The following COL19A1 variants were observed in gnomAD, a reference collection of about 807,000 sequenced individuals.
COL19A1 encodes the protein collagen type XIX alpha 1 chain.
COL19A1 carries 159 observed loss-of-function variants against 190.2 expected under a neutral mutation model. That is an observed-to-expected ratio of 0.84 (90% CI 0.73 to 0.95). COL19A1 has a LOEUF of 0.95. Among genes scored for constraint, COL19A1 ranks in the 40% least tolerant of loss-of-function variants. The probability of loss-of-function intolerance (pLI) is 0.00; values close to 1 mark genes in which losing one functional copy is unlikely to be tolerated. For missense variants in COL19A1, 1,418 were observed against 1,431.9 expected, an observed-to-expected ratio of 0.99 and a Z score of 0.16; for synonymous variants, 509 against 458.9, an observed-to-expected ratio of 1.11 and a Z score of -1.39.
At chr6:70,177,999 A>G (rs1191902835) in intron 42 of COL19A1, among the ~76,000 whole-genome samples, 3 of 152,242 alleles carry the variant, frequency 2.0e-5, no homozygotes, top group African/African-American at 7.2e-5. Context: ...TCAAAGAGGA[A>G]GCATTATTGA....
chr6:70,091,767 A>AGG (rs55778434), intron 15 of COL19A1, among the ~76,000 whole-genome samples: 28,423 of 151,878 alleles, frequency 0.19, 3,767 homozygotes, highest in African/African-American at 0.35. Flanking sequence ...ACTGACCAAC[A>AGG]ATTGCTGCCG....
At position 70,211,349 on chromosome 6, in the gene COL19A1, T is replaced by C. The variant is rs1467449495; in HGVS notation, c.*4075T>C. On this transcript the variant is annotated 3_prime_UTR_variant, in exon 51 of 51. Transcript: ENST00000620364. ...AAAAAAGCTTTGCAGATTTGTCCAT[T>C]GCTCTTGTTCTTAAATTATTTTTCA... Among the ~76,000 whole-genome samples, 1 of 152,020 alleles carries C rather than the reference T, an allele frequency of 6.6e-6. No homozygotes were observed. Among genetic ancestry groups the C allele is most frequent in the Non-Finnish European group, 1.5e-5 (1 of 67,958 alleles).
chr6:70,139,726 C>T (rs1786117623), intron 19 of COL19A1, among the ~76,000 whole-genome samples: 1 of 152,004 alleles, frequency 6.6e-6, no homozygotes, highest in Admixed American at 6.6e-5. Flanking sequence ...TTTTCCCCCA[C>T]CATAGGACAT....
At chr6:69,926,524 G>A (rs997131347) in intron 4 of COL19A1, among the ~76,000 whole-genome samples, 1 of 152,032 alleles carries the variant, frequency 6.6e-6, no homozygotes, top group Non-Finnish European at 1.5e-5. Flanking sequence ...TACAGGAGGG[G>A]TTCAAGAACT....
chr6:69,929,564 G>T lies in COL19A1; in HGVS notation c.530G>T (p.Ser177Ile), dbSNP rs1408537530. 8 of 1,613,872 alleles carry T rather than the reference G, an allele frequency of 5.0e-6. No homozygotes were observed. Among genetic ancestry groups the T allele is most frequent in the African/African-American group, 1.3e-5 (1 of 74,870 alleles). The change falls in exon 6 of 51, where the codon AGT becomes ATT. Residue 177 changes from serine (S) to isoleucine (I), a missense_variant. By Grantham distance (142) the Ser-to-Ile change is moderately radical (BLOSUM62 -2). Transcript: ENST00000620364. Reference sequence around the variant, plus strand: ...CGTCAGTGGCACAAACTTGGCATTAGTATACAATCCCAGGTCATTTCACTT... The same window carrying T: ...CGTCAGTGGCACAAACTTGGCATTATTATACAATCCCAGGTCATTTCACTT... The part of the protein sequence containing the change: ...FDRQWHKLGI[S>I]IQSQVISLYM...
chr6:70,161,939 C>T lies in COL19A1; in HGVS notation c.2332C>T (p.Pro778Ser), dbSNP rs1437386590. 1 of 1,604,468 alleles carries T rather than the reference C, an allele frequency of 6.2e-7. No individual in the cohort carries two copies. The change falls in exon 35 of 51, where the codon CCG (proline) becomes TCG (serine). Residue 778 changes from proline to serine, a missense_variant. Coordinates refer to ENST00000620364, the MANE Select transcript of COL19A1 (RefSeq NM_001858.6). The stretch of plus-strand genomic sequence containing the variant: ...TCCAGGCATTCCAGGTGCTCCAGGC[C>T]CGACTGGACCCCCTGTAAGTATTTG... ...GIPGIPGAPG[P>S]TGPPGLMGRT...
chr6:69,991,532 C>A (rs559370580), intron 11 of COL19A1, among the ~76,000 whole-genome samples: 37 of 152,172 alleles, frequency 2.4e-4, no homozygotes, highest in Admixed American at 5.9e-4. Flanking sequence ...CTTTTATCTG[C>A]AACCTTGCCA....
chr6:69,984,129 T>G (rs1677177072), intron 11 of COL19A1, among the ~76,000 whole-genome samples: 1 of 152,166 alleles, frequency 6.6e-6, no homozygotes. Context: ...TTATTTATTT[T>G]GATTGCTTTG....
chr6:69,908,214 G>C (rs1404884434), intron 4 of COL19A1, among the ~76,000 whole-genome samples: 1 of 152,214 alleles, frequency 6.6e-6, no homozygotes, highest in Non-Finnish European at 1.5e-5. Context: ...AACTTGTTCA[G>C]AACTCTGATA....
At chr6:69,925,651 C>A (rs1420183839) in intron 4 of COL19A1, among the ~76,000 whole-genome samples, 13 of 152,128 alleles carry the variant, frequency 8.5e-5, no homozygotes, top group Non-Finnish European at 1.6e-4. Context: ...ATAAGGATGG[C>A]ATTGAATCTA....
At chr6:70,059,209 C>T (rs1012074269) in intron 14 of COL19A1, among the ~76,000 whole-genome samples, 1 of 152,076 alleles carries the variant, frequency 6.6e-6, no homozygotes, top group Non-Finnish European at 1.5e-5. Context: ...ACTTGCATAA[C>T]ATTTTTGTTG....
intron 17 of COL19A1, among the ~76,000 whole-genome samples, chr6:70,125,077 C>A (rs1200101096): frequency 6.8e-6 from 1 of 147,266 alleles, no homozygotes; most frequent in Non-Finnish European, 1.5e-5. Flanking sequence ...CACCACCTAC[C>A]CCTGTCTGTT....
intron 14 of COL19A1, among the ~76,000 whole-genome samples, chr6:70,042,579 G>T (rs1344092879): frequency 6.6e-6 from 1 of 152,034 alleles, no homozygotes; most frequent in South Asian, 2.1e-4. Flanking sequence ...TGAAGGTTGG[G>T]GTGGCTGTGG....
At chr6:69,979,751 G>A (rs1775941383) in intron 11 of COL19A1, among the ~76,000 whole-genome samples, 1 of 151,318 alleles carries the variant, frequency 6.6e-6, no homozygotes, top group South Asian at 2.1e-4. Flanking sequence ...AGATACCAGG[G>A]ATATATTTAA....
intron 8 of COL19A1, among the ~76,000 whole-genome samples, chr6:69,937,140 T>C (rs764066911): frequency 6.6e-5 from 10 of 152,062 alleles, no homozygotes; most frequent in Non-Finnish European, 1.3e-4. Context: ...TGAACTAGAA[T>C]GAATAGAAAA....
intron 4 of COL19A1, among the ~76,000 whole-genome samples, chr6:69,923,089 A>G (rs940377960): frequency 3.3e-5 from 5 of 152,152 alleles, no homozygotes; most frequent in African/African-American, 4.8e-5. Flanking sequence ...AAAAATAACA[A>G]TTTGTTATTT....
intron 11 of COL19A1, among the ~76,000 whole-genome samples, chr6:69,996,975 ATATG>A (rs1293575764): frequency 3.3e-5 from 5 of 150,080 alleles, no homozygotes; most frequent in African/African-American, 7.4e-5. Flanking sequence ...ATGTGTACAT[ATATG>A]TATGTGTACG....
At position 70,206,904 on chromosome 6, in the gene COL19A1, A is replaced by G. The variant is rs778864314; in HGVS notation, c.3227A>G (p.Tyr1076Cys). The G allele has an allele frequency of 3.7e-6, 6 of 1,613,386 alleles. No homozygotes were observed. The highest frequency in any genetic ancestry group is 5.1e-6 in the Non-Finnish European group (6 of 1,179,738). ...GPPGDPGPQG[Y>C]RGQKGERGEP... ...TTTTTATATATTTCTCACTTAGGCT[A>G]CAGAGGACAGAAGGGAGAAAGAGGT... is the stretch of plus-strand genomic sequence containing the variant. Residue 1076 changes from tyrosine (Y) to cysteine (C), a missense_variant, in exon 50 of 51, where the codon TAC becomes TGC. Transcript: ENST00000620364.
At chr6:70,040,951 A>G (rs548326363) in intron 14 of COL19A1, among the ~76,000 whole-genome samples, 3 of 152,332 alleles carry the variant, frequency 2.0e-5, no homozygotes, top group East Asian at 3.9e-4. Context: ...TGTAAGTGGA[A>G]CATCTGGAAA....
Sources: allele counts gnomAD v4.1 joint callset (sites outside exome capture counted in the v4.1 genomes callset), GRCh38; gene constraint gnomAD v4.1.1; transcripts MANE v1.5; gene names NCBI Gene and HGNC (gene_info 2026-07-23, HGNC 2026-07-21).